The following RAPGEF5 variants were observed in gnomAD, a reference collection of about 807,000 sequenced individuals.
RAPGEF5 encodes the protein Rap guanine nucleotide exchange factor 5.
RAPGEF5 carries 65 observed loss-of-function variants against 125.2 expected under a neutral mutation model. The ratio of observed to expected loss-of-function variants is 0.52; its 90% confidence interval spans 0.43 to 0.64. RAPGEF5 has a LOEUF of 0.64. Ranked by LOEUF, RAPGEF5 falls within the 30% of genes least tolerant of loss-of-function variation. The pLI is 0.00. For synonymous variants in RAPGEF5, 391 were observed against 385.9 expected (o/e 1.01, Z -0.16); for missense variants, 958 against 1,048.1 (o/e 0.91, Z 1.19).
intron 6 of RAPGEF5, among the ~76,000 whole-genome samples, chr7:22,282,728 G>C (rs1005337100): frequency 2.0e-5 from 3 of 152,128 alleles, no homozygotes; most frequent in Non-Finnish European, 1.5e-5. Flanking sequence ...GCCATTCTTA[G>C]CCTCTTACCC....
Position 22,122,271 on chromosome 7 carries a change from G to T in RAPGEF5, c.*135C>A. 1.5e-6 allele frequency: 1 copy of T among 676,962 alleles called. No homozygotes were observed. The highest frequency in any genetic ancestry group is 2.5e-6 in the Non-Finnish European group (1 of 404,154). 41.9% of individuals were successfully genotyped at this position (676,962 alleles called of 1,614,324 possible). A position where few individuals can be genotyped will look rare whatever the true frequency, so the allele number is the denominator to read the frequency against. On this transcript the variant is annotated 3_prime_UTR_variant, in exon 26 of 26. Coordinates refer to ENST00000665637, the MANE Select transcript of RAPGEF5 (RefSeq NM_012294.5). The stretch of plus-strand genomic sequence containing the variant: ...ATCACTTCCTGAACACGCTTTGGCT[G>T]GCTTTCCTGTGAATGTCTTGGGTTA...
chr7:22,121,286 T>C lies in RAPGEF5; in HGVS notation c.*1120A>G, dbSNP rs61442297. On this transcript the variant is annotated 3_prime_UTR_variant, in exon 26 of 26. Coordinates refer to ENST00000665637, the MANE Select transcript of RAPGEF5 (RefSeq NM_012294.5). ...CTCCCTGCTTTGGCTGGTAGTTGGA[T>C]TATAGGACTTCTAAGTTGCCAACAT... 24,793 of 151,048 alleles carry C rather than the reference T, an allele frequency of 0.16. 2,114 individuals are homozygous for C. Among genetic ancestry groups the C allele is most frequent in the East Asian group, 0.2 (1,056 of 5,154 alleles). The allele number at this position is 151,048 out of a possible 1,614,324, so 9.4% of individuals were successfully genotyped here.
intron 25 of RAPGEF5, chr7:22,125,321 C>A: frequency 3.1e-6 from 1 of 326,460 alleles, no homozygotes; most frequent in African/African-American, 2.2e-5. Context: ...CAGGAGTCAG[C>A]GGGAGTTGCG....
In RAPGEF5 at chr7:22,122,162, T is replaced by A. The variant is rs867681633; in HGVS notation, c.*244A>T. ...GATCATAAGAAACCAGCCTTCTCCA[T>A]CTCAAGAATGCTTCTGACTCTCCTT... On this transcript the variant is annotated 3_prime_UTR_variant, in exon 26 of 26. Coordinates refer to ENST00000665637, the MANE Select transcript of RAPGEF5 (RefSeq NM_012294.5). 5.6e-5 allele frequency: 25 copies of A among 447,918 alleles called. No individual in the cohort carries two copies. Among genetic ancestry groups the A allele is most frequent in the African/African-American group, 4.3e-4 (22 of 51,404 alleles). 27.7% of individuals were successfully genotyped at this position (447,918 alleles called of 1,614,324 possible). A position where few individuals can be genotyped will look rare whatever the true frequency, so the allele number is the denominator to read the frequency against.
chr7:22,266,601 A>ATAT (rs1782288106), intron 7 of RAPGEF5, among the ~76,000 whole-genome samples: 2 of 152,152 alleles, frequency 1.3e-5, no homozygotes, highest in African/African-American at 4.8e-5. Context: ...CCACCTCTAT[A>ATAT]GTACCCATTG....
At chr7:22,356,653 AGGGGG>A (rs1784425939) in intron 1 of RAPGEF5, 172 bp downstream of exon 1, 1 of 190,918 alleles carries the variant, frequency 5.2e-6, no homozygotes, top group African/African-American at 3.4e-5. Context: ...GCCGTCGCTC[AGGGGG>A]TGGCACCTCA....
chr7:22,242,882 G>A (rs1786371506), intron 7 of RAPGEF5, among the ~76,000 whole-genome samples: 2 of 151,006 alleles, frequency 1.3e-5, no homozygotes, highest in Admixed American at 6.6e-5. Flanking sequence ...AGGAGGCAGA[G>A]GTTGCGGTGA....
intron 7 of RAPGEF5, among the ~76,000 whole-genome samples, chr7:22,241,239 G>T (rs1028671664): frequency 6.6e-6 from 1 of 152,124 alleles, no homozygotes; most frequent in Non-Finnish European, 1.5e-5. Flanking sequence ...TGCTCATTAA[G>T]TTTTTTTGTT....
intron 7 of RAPGEF5, among the ~76,000 whole-genome samples, chr7:22,246,505 T>C (rs1418510305): frequency 6.6e-6 from 1 of 152,170 alleles, no homozygotes; most frequent in Admixed American, 6.5e-5. Flanking sequence ...TGAATGGTGC[T>C]GGGATAACTG....
At chr7:22,255,202 A>G (rs375603748) in intron 7 of RAPGEF5, among the ~76,000 whole-genome samples, 2 of 152,328 alleles carry the variant, frequency 1.3e-5, no homozygotes, top group Non-Finnish European at 1.5e-5. Context: ...GATGTATCCT[A>G]TATGATCTTA....
At position 22,292,122 on chromosome 7, in the gene RAPGEF5, T is replaced by A. The variant is rs145977043; in HGVS notation, c.681-881A>T. On this transcript the variant is annotated intron_variant, in intron 5 of 25. Transcript: ENST00000665637. ...GAGGGGGGATTGGAGGTCACTGCCC[T>A]GCAGAGCAGTATTAACAGCATCACA... is the stretch of plus-strand genomic sequence containing the variant. Among the ~76,000 whole-genome samples, 8 of 152,336 alleles carry A rather than the reference T, an allele frequency of 5.3e-5. No individual in the cohort carries two copies. In the East Asian group the frequency reaches 1.5e-3, roughly 29 times the overall value.
At chr7:22,314,621 A>G (rs1166811924) in intron 3 of RAPGEF5, 1 of 981,988 alleles carries the variant, frequency 1.0e-6, no homozygotes, top group African/African-American at 1.8e-5. Context: ...CTTGATGGGT[A>G]TTGCACGTCA....
chr7:22,303,671 A>T (rs1480624966), intron 5 of RAPGEF5, among the ~76,000 whole-genome samples: 1 of 152,262 alleles, frequency 6.6e-6, no homozygotes, highest in Non-Finnish European at 1.5e-5. Flanking sequence ...TTGGGTTTTC[A>T]GCAAATGAAT....
chr7:22,266,761 T>C (rs914158971), intron 7 of RAPGEF5, among the ~76,000 whole-genome samples: 1 of 152,176 alleles, frequency 6.6e-6, no homozygotes, highest in African/African-American at 2.4e-5. Context: ...AGCAAAGCAG[T>C]GACATTTTAT....
At chr7:22,133,773 G>C (rs904405000) in intron 23 of RAPGEF5, among the ~76,000 whole-genome samples, 2 of 152,164 alleles carry the variant, frequency 1.3e-5, no homozygotes, top group Non-Finnish European at 2.9e-5. Context: ...CTTCTCCCCA[G>C]CACTTAGTGT....
chr7:22,317,237 T>C (rs1026846182), intron 2 of RAPGEF5, among the ~76,000 whole-genome samples: 4 of 146,052 alleles, frequency 2.7e-5, no homozygotes, highest in Admixed American at 7.0e-5. Context: ...TGCAACTTTT[T>C]TTTTCTTTTT....
At chr7:22,269,110 G>C (rs768118264) in intron 6 of RAPGEF5, among the ~76,000 whole-genome samples, 4 of 148,024 alleles carry the variant, frequency 2.7e-5, no homozygotes, top group Non-Finnish European at 4.4e-5. Context: ...GGGAGGATAC[G>C]AGTATTTTAT....
Position 22,119,513 on chromosome 7 carries a change from T to C in RAPGEF5, c.*2893A>G, listed in dbSNP as rs1052877709. The C allele has an allele frequency of 6.6e-6, 1 of 151,442 alleles. No individual in the cohort carries two copies. The highest frequency in any genetic ancestry group is 2.4e-5 in the African/African-American group (1 of 40,972). The allele number at this position is 151,442 out of a possible 1,614,324, so 9.4% of individuals were successfully genotyped here. On this transcript the variant is annotated 3_prime_UTR_variant, in exon 26 of 26. Transcript: ENST00000665637. The surrounding 1 kb of genome is among the most constrained non-coding windows in gnomAD (Gnocchi z 4.1). ...CTGCAAATGTGTATGTAAAACAAAATTTTTTTTAATAGCAAGGTTGTGATT... is the reference window on the plus strand; with the variant it reads ...CTGCAAATGTGTATGTAAAACAAAACTTTTTTTAATAGCAAGGTTGTGATT...
chr7:22,189,693 A>T (rs1784932890), intron 11 of RAPGEF5, among the ~76,000 whole-genome samples: 1 of 152,200 alleles, frequency 6.6e-6, no homozygotes, highest in Admixed American at 6.5e-5. Context: ...ATCTTTGAAA[A>T]CAGCTTCAAT....
Sources: allele counts gnomAD v4.1 joint callset (sites outside exome capture counted in the v4.1 genomes callset), GRCh38; gene constraint gnomAD v4.1.1; non-coding constraint Gnocchi (gnomAD v3.1); transcripts MANE v1.5; gene names NCBI Gene and HGNC (gene_info 2026-07-23, HGNC 2026-07-21).